Variants in BAZ2B observed in about 807,000 individuals in gnomAD.
The protein encoded by BAZ2B is bromodomain adjacent to zinc finger domain protein 2B.
In BAZ2B, 91 loss-of-function variants were observed where a neutral mutation model predicts 246.0. The ratio of observed to expected loss-of-function variants is 0.37; its 90% CI spans 0.31 to 0.44. BAZ2B has a LOEUF of 0.44. Ranked by LOEUF, BAZ2B falls within the 20% of genes least tolerant of loss-of-function variation. BAZ2B has a pLI of 1.00. For missense variants in BAZ2B, 2,332 were observed against 2,533.7 expected (o/e 0.92, Z 1.71); for synonymous variants, 855 against 860.0 (o/e 0.99, Z 0.10).
At chr2:159,683,140 C>G in the BAZ2B span, among the ~76,000 whole-genome samples, 1 of 152,122 alleles carries the variant, frequency 6.6e-6, no homozygotes, top group Admixed American at 6.5e-5. Flanking sequence ...TCCAAGACAC[C>G]AAGCAGCATG....
At chr2:159,507,807 A>T (rs1324294544) in intron 2 of BAZ2B, among the ~76,000 whole-genome samples, 2 of 152,210 alleles carry the variant, frequency 1.3e-5, no homozygotes, top group African/African-American at 2.4e-5. Context: ...ACGGAGGTTC[A>T]AAAGAGATCA....
At position 159,595,752 on chromosome 2, in the gene BAZ2B, C is replaced by T. The variant is rs374085643; in HGVS notation, c.-46+20490G>A. On this transcript the variant is annotated intron_variant, in intron 1 of 36. Transcript: ENST00000392783. Reference sequence around the variant, plus strand: ...GAACTATATCTAACAAGCGGAGGTACTATCAGTCCATAGCCCACTCTTGTG... The same window carrying T: ...GAACTATATCTAACAAGCGGAGGTATTATCAGTCCATAGCCCACTCTTGTG... 4.6e-5 allele frequency among the ~76,000 whole-genome samples: 7 copies of T among 152,354 alleles called. No homozygotes were observed. In the South Asian group the frequency reaches 1.4e-3, roughly 32 times the overall value.
At chr2:159,526,992 G>C (rs147580241) in intron 2 of BAZ2B, among the ~76,000 whole-genome samples, 322 of 151,564 alleles carry the variant, frequency 2.1e-3, no homozygotes, top group African/African-American at 7.6e-3. Flanking sequence ...TTTCAGAGTG[G>C]TTGTACCATT....
At chr2:159,556,522 GC>G (rs2151474400) in intron 1 of BAZ2B, among the ~76,000 whole-genome samples, 4 of 139,194 alleles carry the variant, frequency 2.9e-5, no homozygotes, top group African/African-American at 1.3e-4. Context: ...GTGCAGTGGC[GC>G]GATCGTGGCT....
intron 14 of BAZ2B, among the ~76,000 whole-genome samples, chr2:159,405,555 C>T (rs1263646929): frequency 6.6e-6 from 1 of 152,066 alleles, no homozygotes; most frequent in Non-Finnish European, 1.5e-5. Flanking sequence ...AGACAGATAC[C>T]AAGTAGAAGA....
chr2:159,618,586 A>G (rs1404510518), upstream of BAZ2B, among the ~76,000 whole-genome samples: 3 of 152,166 alleles, frequency 2.0e-5, no homozygotes, highest in Admixed American at 6.5e-5. Flanking sequence ...GCATTGTTCT[A>G]TAATGGTGGT....
At chr2:159,344,449 G>C (rs1484136249) in intron 31 of BAZ2B, among the ~76,000 whole-genome samples, 1 of 151,344 alleles carries the variant, frequency 6.6e-6, no homozygotes, top group African/African-American at 2.4e-5. Context: ...CAGGAGAGTT[G>C]CTTGAACCTG....
chr2:159,400,928 C>T (rs927292593), intron 16 of BAZ2B, among the ~76,000 whole-genome samples: 1 of 151,928 alleles, frequency 6.6e-6, no homozygotes, highest in East Asian at 1.9e-4. Flanking sequence ...CCTGTAGTCC[C>T]AACTACTCGG....
the BAZ2B span, among the ~76,000 whole-genome samples, chr2:159,642,789 G>A: frequency 6.6e-6 from 1 of 152,116 alleles, no homozygotes; most frequent in African/African-American, 2.4e-5. Flanking sequence ...ATAAATTAAC[G>A]TAGGGAATGT....
At chr2:159,456,422 A>G (rs1325108805) in intron 3 of BAZ2B, among the ~76,000 whole-genome samples, 1 of 152,096 alleles carries the variant, frequency 6.6e-6, no homozygotes, top group Non-Finnish European at 1.5e-5. Flanking sequence ...CAGAAAACAT[A>G]AGCAGTAAAT....
intron 27 of BAZ2B, among the ~76,000 whole-genome samples, chr2:159,365,998 C>A (rs1260411441): frequency 6.6e-6 from 1 of 152,308 alleles, no homozygotes; most frequent in South Asian, 2.1e-4. Flanking sequence ...TTAACATACT[C>A]AACTGTGGAG....
chr2:159,527,693 T>C (rs1384095429), intron 2 of BAZ2B, among the ~76,000 whole-genome samples: 1 of 152,230 alleles, frequency 6.6e-6, no homozygotes, highest in Non-Finnish European at 1.5e-5. Flanking sequence ...ATTTACTGGG[T>C]ATCCACTTAA....
chr2:159,464,617 G>C (rs1271323748), intron 3 of BAZ2B: 1 of 152,090 alleles, frequency 6.6e-6, no homozygotes, highest in Non-Finnish European at 1.5e-5. Flanking sequence ...TGGGAGCCGC[G>C]GTAGCTTTGG....
intron 1 of BAZ2B, among the ~76,000 whole-genome samples, chr2:159,600,748 G>A (rs575141453): frequency 1.6e-4 from 25 of 152,108 alleles, no homozygotes; most frequent in Non-Finnish European, 3.5e-4. Flanking sequence ...CATAGTTGCC[G>A]TTTAGAATCA....
At chr2:159,430,230 G>A (rs921892280) in intron 10 of BAZ2B, among the ~76,000 whole-genome samples, 3 of 152,104 alleles carry the variant, frequency 2.0e-5, no homozygotes, top group African/African-American at 7.2e-5. Flanking sequence ...CCATGAAACA[G>A]CAAGACCAAT....
At chr2:159,321,174 T>C (rs567294614) in intron 36 of BAZ2B, among the ~76,000 whole-genome samples, 5 of 152,214 alleles carry the variant, frequency 3.3e-5, no homozygotes, top group Non-Finnish European at 7.4e-5. Flanking sequence ...AAGAAGGGAA[T>C]GGTCATTTCA....
At chr2:159,569,178 A>G (rs1683336862) in intron 1 of BAZ2B, among the ~76,000 whole-genome samples, 1 of 152,200 alleles carries the variant, frequency 6.6e-6, no homozygotes, top group Non-Finnish European at 1.5e-5. Context: ...AACAACCAAA[A>G]AAGATTTAAA....
intron 2 of BAZ2B, among the ~76,000 whole-genome samples, chr2:159,488,039 A>AT (rs560867987): frequency 2.9e-4 from 44 of 149,290 alleles, no homozygotes; most frequent in African/African-American, 5.4e-4. Flanking sequence ...GCCCAATTGG[A>AT]TTTTTTTTTT....
intron 1 of BAZ2B, among the ~76,000 whole-genome samples, chr2:159,579,123 A>G (rs1686078514): frequency 6.6e-6 from 1 of 152,200 alleles, no homozygotes; most frequent in South Asian, 2.1e-4. Context: ...CAAAAAATCA[A>G]TGAATCCAGC....
Sources: gnomAD v4.1 joint callset for allele counts (sites outside exome capture counted in the v4.1 genomes callset) on GRCh38, gnomAD v4.1.1 for gene constraint, MANE v1.5 for transcripts, NCBI Gene and HGNC (gene_info 2026-07-23, HGNC 2026-07-21) for gene names.